Variants in WDR5 observed in about 807,000 individuals in gnomAD.
WDR5 encodes the protein WD repeat domain 5.
For synonymous variants in WDR5, 144 were observed against 161.6 expected, an observed-to-expected ratio of 0.89 and a Z score of 0.83; for missense variants, 187 against 416.9, an observed-to-expected ratio of 0.45 and a Z score of 4.80.
At chr9:134,137,406 G>T (rs1831620483) in intron 1 of WDR5, among the ~76,000 whole-genome samples, 1 of 152,064 alleles carries the variant, frequency 6.6e-6, no homozygotes, top group African/African-American at 2.4e-5. Flanking sequence ...GCCTTGGCCC[G>T]GCGCGGTGGC....
At position 134,158,250 on chromosome 9, in the gene WDR5, G is replaced by A. The variant is rs955952838; in HGVS notation, c.*257G>A. The A allele has an allele frequency of 1.2e-5, 4 of 332,302 alleles. No individual in the cohort carries two copies. Among genetic ancestry groups the A allele is most frequent in the Non-Finnish European group, 1.6e-5 (3 of 182,330 alleles). The allele number at this position is 332,302 out of a possible 1,614,324, so 20.6% of individuals were successfully genotyped here. On this transcript the variant is annotated 3_prime_UTR_variant, in exon 14 of 14. Coordinates refer to ENST00000358625, the MANE Select transcript of WDR5 (RefSeq NM_017588.3). ...TCCTAGTCTATTGTGTTCAAACAGA[G>A]TCAACAAAAGTTTTTAATTTTTTAT...
chr9:134,147,466 C>T (rs1303343155), intron 7 of WDR5, among the ~76,000 whole-genome samples: 1 of 152,150 alleles, frequency 6.6e-6, no homozygotes, highest in East Asian at 1.9e-4. Context: ...GAGCTATAGG[C>T]ATCTAGTGAG....
In WDR5 at chr9:134,157,613, G is replaced by A. The variant is rs982815216; in HGVS notation, c.905-280G>A. 3.9e-5 allele frequency among the ~76,000 whole-genome samples: 6 copies of A among 152,148 alleles called. No homozygotes were observed. Among genetic ancestry groups the A allele is most frequent in the Non-Finnish European group, 4.4e-5 (3 of 68,018 alleles). Reference sequence around the variant, plus strand: ...GCGCCGAGCTGCTGTTGGTGGGGGCGTGTGGGGCTCCTGGTCTGCAGGCAG... The same window carrying A: ...GCGCCGAGCTGCTGTTGGTGGGGGCATGTGGGGCTCCTGGTCTGCAGGCAG... On this transcript the variant is annotated intron_variant, in intron 13 of 13. Transcript: ENST00000358625. The surrounding 1 kb of genome is among the most constrained non-coding windows in gnomAD (Gnocchi z 5.0).
In WDR5 at chr9:134,157,021, G is replaced by A. The variant is rs990942527; in HGVS notation, c.904+428G>A. Among the ~76,000 whole-genome samples, 2 of 152,208 alleles carry A rather than the reference G, an allele frequency of 1.3e-5. No homozygotes were observed. Among genetic ancestry groups the A allele is most frequent in the Admixed American group, 1.3e-4 (2 of 15,294 alleles). ...CCCCCCAGCTGCATGCAGGCCTAGTGGGCTCCACGGCGGAGCTGGTTCCCA... is the reference window on the plus strand; with the variant it reads ...CCCCCCAGCTGCATGCAGGCCTAGTAGGCTCCACGGCGGAGCTGGTTCCCA... On this transcript the variant is annotated intron_variant, in intron 13 of 13. Coordinates refer to ENST00000358625, the MANE Select transcript of WDR5 (RefSeq NM_017588.3). This position sits in a 1 kb window ranked among gnomAD's most constrained non-coding sequence, Gnocchi z 5.0.
At chr9:134,139,112 C>T (rs1238774166) in intron 1 of WDR5, among the ~76,000 whole-genome samples, 3 of 152,142 alleles carry the variant, frequency 2.0e-5, no homozygotes, top group African/African-American at 7.2e-5. Flanking sequence ...CGTAGAATAT[C>T]GTTGGTGTAC....
Position 134,136,122 on chromosome 9 carries a change from G to T in WDR5, c.-137G>T, listed in dbSNP as rs1013846725. On this transcript the variant is annotated 5_prime_UTR_variant, in exon 1 of 14. Transcript: ENST00000358625. ...CGCCCGCCCGAGCTGCCGCCTTGTC[G>T]AGCTGAGTCCGCGCTCCCGCCCAGG... is the stretch of plus-strand genomic sequence containing the variant. 27 of 147,252 alleles carry T rather than the reference G, an allele frequency of 1.8e-4. No individual in the cohort carries two copies. Among genetic ancestry groups the T allele is most frequent in the Admixed American group, 1.7e-3 (25 of 14,740 alleles). The allele number at this position is 147,252 out of a possible 1,614,324, so 9.1% of individuals were successfully genotyped here.
In WDR5 at chr9:134,141,988, C is replaced by G; in HGVS notation, c.304C>G (p.Leu102Val). The G allele has an allele frequency of 6.2e-7, 1 of 1,614,198 alleles. No individual in the cohort carries two copies. The highest frequency in any genetic ancestry group is 8.5e-7 in the Non-Finnish European group (1 of 1,180,040). The change falls in exon 5 of 14, where the codon CTT becomes GTT. Residue 102 changes from leucine to valine, a missense_variant. Transcript: ENST00000358625. ...DVAWSSDSNL[L>V]VSASDDKTLK... is the part of the protein sequence containing the mutation. ...AGCCTGGTCGTCAGATTCTAACCTT[C>G]TTGTTTCTGCCTCAGATGACAAAAC...
chr9:134,155,909 G>C (rs936610489), intron 12 of WDR5, 142 bp downstream of exon 12: 3 of 774,932 alleles, frequency 3.9e-6, no homozygotes, highest in African/African-American at 1.7e-5. Flanking sequence ...AGCGCACTGC[G>C]CCAAGTACCG....
chr9:134,135,432 CG>C (rs2132508832), upstream of WDR5: 1 of 152,316 alleles, frequency 6.6e-6, no homozygotes, highest in South Asian at 2.1e-4. Context: ...GCGGGGCTGG[CG>C]GGGAGCAGGT....
intron 9 of WDR5, among the ~76,000 whole-genome samples, chr9:134,153,203 C>G (rs1395756714): frequency 6.6e-6 from 1 of 152,182 alleles, no homozygotes; most frequent in Non-Finnish European, 1.5e-5. Flanking sequence ...ACGTAACCCT[C>G]ACGGCCACCT....
At chr9:134,151,870 TAA>T (rs1277620770) in intron 8 of WDR5, 111 bp from the exon 9 acceptor site, 5 of 1,083,956 alleles carry the variant, frequency 4.6e-6, no homozygotes, top group Admixed American at 2.2e-5. Flanking sequence ...GCATAACTTT[TAA>T]AAAAAGATAG....
chr9:134,147,570 A>G (rs1035032620), intron 7 of WDR5, among the ~76,000 whole-genome samples: 2 of 152,098 alleles, frequency 1.3e-5, no homozygotes, highest in African/African-American at 4.8e-5. Flanking sequence ...AGGCTGGGAA[A>G]CTGCTTCTAC....
chr9:134,148,265 T>C (rs201178865), intron 7 of WDR5, 23 bp from the exon 8 acceptor site: 1 of 1,599,600 alleles, frequency 6.3e-7, no homozygotes, highest in Non-Finnish European at 8.5e-7. Context: ...TTTTTGTCTC[T>C]TCTTCCTCTC....
Position 134,159,429 on chromosome 9 carries a change from C to T in WDR5, c.*1436C>T, listed in dbSNP as rs1339011720. On this transcript the variant is annotated 3_prime_UTR_variant, in exon 14 of 14. Transcript: ENST00000358625. This position sits in a 1 kb window ranked among gnomAD's most constrained non-coding sequence, Gnocchi z 4.3. Reference sequence around the variant, plus strand: ...GCCTGGAGTCCTGGGGGAGCTCAGCCAGCTCTGCCTTTCTCAGGGCCTGGA... The same window carrying T: ...GCCTGGAGTCCTGGGGGAGCTCAGCTAGCTCTGCCTTTCTCAGGGCCTGGA... 1 of 152,382 alleles carries T rather than the reference C, an allele frequency of 6.6e-6. No individual in the cohort carries two copies. The highest frequency in any genetic ancestry group is 2.4e-5 in the African/African-American group (1 of 41,436). The allele number at this position is 152,382 out of a possible 1,614,324, so 9.4% of individuals were successfully genotyped here. A position where few individuals can be genotyped will look rare whatever the true frequency, so the allele number is the denominator to read the frequency against.
chr9:134,157,853 G>T lies in WDR5; in HGVS notation c.905-40G>T, dbSNP rs1378040926. The T allele has an allele frequency of 1.9e-6, 3 of 1,596,930 alleles. No individual in the cohort carries two copies. Among genetic ancestry groups the T allele is most frequent in the Non-Finnish European group, 2.6e-6 (3 of 1,165,024 alleles). The stretch of plus-strand genomic sequence containing the variant: ...CTGGGATGGCGTCCCCGACCCAGGC[G>T]CAGGGATGGCTCTGGTTCTGACTGT... On this transcript the variant is annotated intron_variant, in intron 13 of 13. Coordinates refer to ENST00000358625, the MANE Select transcript of WDR5 (RefSeq NM_017588.3). This position sits in a 1 kb window ranked among gnomAD's most constrained non-coding sequence, Gnocchi z 5.0.
chr9:134,157,918 C>T lies in WDR5; in HGVS notation c.930C>T (p.His310=), dbSNP rs1832822594. The T allele has an allele frequency of 6.2e-7, 1 of 1,614,068 alleles. No individual in the cohort carries two copies. The highest frequency in any genetic ancestry group is 1.7e-5 in the Admixed American group (1 of 60,000). The change falls in exon 14 of 14, where the codon CAC becomes CAT. Residue 310 remains histidine (H), a synonymous_variant. Transcript: ENST00000358625. This position sits in a 1 kb window ranked among gnomAD's most constrained non-coding sequence, Gnocchi z 5.0. ...HTDVVISTAC[H]PTENIIASAA... is the part of the protein sequence containing the mutation. ...ATGTCGTGATCTCAACAGCTTGTCA[C>T]CCAACAGAAAACATCATCGCCTCTG...
chr9:134,135,260 C>T (rs1358978048), upstream of WDR5: 1 of 152,226 alleles, frequency 6.6e-6, no homozygotes, highest in African/African-American at 2.4e-5. Flanking sequence ...GCCTCAGCTT[C>T]TCCTTAAGCC....
At position 134,141,867 on chromosome 9, in the gene WDR5, T is replaced by C. The variant is rs182770426; in HGVS notation, c.265-82T>C. The C allele has an allele frequency of 4.3e-3, 5,802 of 1,348,804 alleles. 17 individuals are homozygous for C. Among genetic ancestry groups the C allele is most frequent in the Non-Finnish European group, 5.5e-3 (5,232 of 945,548 alleles). 83.6% of individuals were successfully genotyped at this position (1,348,804 alleles called of 1,614,324 possible). A position where few individuals can be genotyped will look rare whatever the true frequency, so the allele number is the denominator to read the frequency against. ...TAGTGAGAAGATTTCCTGAGGGCAA[T>C]GGGGATGTTTGGGATTTTGACCTTT... On this transcript the variant is annotated intron_variant, in intron 4 of 13. Transcript: ENST00000358625.
chr9:134,153,348 A>G (rs1038543753), intron 9 of WDR5, among the ~76,000 whole-genome samples: 2 of 152,154 alleles, frequency 1.3e-5, no homozygotes, highest in African/African-American at 2.4e-5. Flanking sequence ...GGGTCGCTGC[A>G]TAGCAGTTTT....
Sources: gnomAD v4.1 joint callset for allele counts (sites outside exome capture counted in the v4.1 genomes callset) on GRCh38, gnomAD v4.1.1 for gene constraint, Gnocchi (gnomAD v3.1) non-coding constraint, MANE v1.5 for transcripts, NCBI Gene and HGNC (gene_info 2026-07-23, HGNC 2026-07-21) for gene names.